PXK: variants seen among roughly 807,000 people sequenced by gnomAD.
PXK encodes PX domain containing serine/threonine kinase like.
PXK carries 35 observed loss-of-function variants against 84.7 expected under a neutral mutation model. The ratio of observed to expected loss-of-function variants is 0.41; its 90% confidence interval spans 0.32 to 0.55. The LOEUF is 0.55. Among genes scored for constraint, PXK ranks in the 20% least tolerant of loss-of-function variants. The pLI, the probability that PXK is intolerant of heterozygous loss-of-function variation, is 0.21. For synonymous variants in PXK, 253 were observed against 260.8 expected (o/e 0.97, Z 0.29); for missense variants, 634 against 699.7 (o/e 0.91, Z 1.06).
At chr3:58,395,571 C>T in intron 8 of PXK, 87 bp from the exon 9 acceptor site, 1 of 1,035,136 alleles carries the variant, frequency 9.7e-7, no homozygotes, top group South Asian at 1.4e-5. Flanking sequence ...CCCCTAGCCT[C>T]TGTAGAATCC....
chr3:58,341,329 A>C (rs1244725871), intron 1 of PXK, among the ~76,000 whole-genome samples: 2 of 152,178 alleles, frequency 1.3e-5, no homozygotes, highest in Non-Finnish European at 2.9e-5. Flanking sequence ...TGGGAGGCTG[A>C]GGCAGGCAGA....
In PXK at chr3:58,397,919, T is replaced by C. The variant is rs151093011; in HGVS notation, c.1102+197T>C. 4.2e-4 allele frequency among the ~76,000 whole-genome samples: 64 copies of C among 152,346 alleles called. No homozygotes were observed. The highest frequency in any genetic ancestry group is 8.5e-4 in the Non-Finnish European group (58 of 68,032). The stretch of plus-strand genomic sequence containing the variant: ...GTGAAAATTCAGGTGGCTTGTCCAT[T>C]TGCCAGGCTATCTGAAATTTCTGGG... On this transcript the variant is annotated intron_variant, in intron 11 of 17. Transcript: ENST00000356151. The surrounding 1 kb of genome is among the most constrained non-coding windows in gnomAD (Gnocchi z 4.7).
chr3:58,401,749 A>G lies in PXK; in HGVS notation c.1182-2113A>G, dbSNP rs899702944. The stretch of plus-strand genomic sequence containing the variant: ...AGACCATCCTAGCTAACACGGTGAA[A>G]CCCTGTCTCTACTAAAAATGCAAAA... On this transcript the variant is annotated intron_variant, in intron 12 of 17. Coordinates refer to ENST00000356151, the MANE Select transcript of PXK (RefSeq NM_017771.5). This position sits in a 1 kb window ranked among gnomAD's most constrained non-coding sequence, Gnocchi z 4.4. Among the ~76,000 whole-genome samples, 11 of 151,814 alleles carry G rather than the reference A, an allele frequency of 7.2e-5. No homozygotes were observed. Among genetic ancestry groups the G allele is most frequent in the Non-Finnish European group, 1.5e-4 (10 of 68,000 alleles).
At chr3:58,422,339 G>A (rs2062020663) in intron 17 of PXK, 7 of 985,316 alleles carry the variant, frequency 7.1e-6, no homozygotes, top group Non-Finnish European at 8.4e-6. Flanking sequence ...GTACATAAGA[G>A]CCACCATGGT....
At chr3:58,369,619 C>T (rs2098333901) in intron 3 of PXK, 141 bp downstream of exon 3, 3 of 589,682 alleles carry the variant, frequency 5.1e-6, no homozygotes, top group African/African-American at 1.9e-5. Flanking sequence ...TGAGGTCAGG[C>T]GTTCAAGACC....
Position 58,395,653 on chromosome 3 carries a change from CA to C in PXK, c.721-2del. On this transcript the variant is annotated splice_region_variant and splice_polypyrimidine_tract_variant and intron_variant, in intron 8 of 17. Transcript: ENST00000356151. ...TTCTTACGTGTTCTTTGTTCTTTTC[CA>C]AAGGCAAAACCAAAAGACCCATTTC... The C allele has an allele frequency of 1.9e-6, 3 of 1,607,956 alleles. No individual in the cohort carries two copies. The highest frequency in any genetic ancestry group is 2.6e-6 in the Non-Finnish European group (3 of 1,175,732).
Position 58,412,713 on chromosome 3 carries a change from C to T in PXK, c.1466-188C>T, listed in dbSNP as rs1441137508. ...TTAGTGGCTTGGGGAAGGAGGTGGA[C>T]CCTGCACCAGAGTAAAAGCCTGTCA... On this transcript the variant is annotated intron_variant, in intron 16 of 17. Transcript: ENST00000356151. The surrounding 1 kb of genome is among the most constrained non-coding windows in gnomAD (Gnocchi z 6.2). Among the ~76,000 whole-genome samples the T allele has an allele frequency of 1.3e-5, 2 of 152,128 alleles. No homozygotes were observed. The highest frequency in any genetic ancestry group is 4.8e-5 in the African/African-American group (2 of 41,416).
intron 1 of PXK, among the ~76,000 whole-genome samples, chr3:58,348,468 A>G (rs892919076): frequency 5.9e-5 from 9 of 152,340 alleles, no homozygotes; most frequent in South Asian, 4.1e-4. Flanking sequence ...GTGCTGTCCA[A>G]TGGAAGTATA....
chr3:58,418,206 G>T (rs563406085), intron 17 of PXK, among the ~76,000 whole-genome samples: 2 of 152,188 alleles, frequency 1.3e-5, no homozygotes, highest in Non-Finnish European at 2.9e-5. Flanking sequence ...ATAATTATAT[G>T]TAATATATTT....
intron 3 of PXK, among the ~76,000 whole-genome samples, chr3:58,371,856 A>C (rs2098377420): frequency 6.6e-6 from 1 of 152,340 alleles, no homozygotes; most frequent in Middle Eastern, 3.4e-3. Context: ...TCTGGATTCA[A>C]GTAAACAAAC....
At position 58,410,132 on chromosome 3, in the gene PXK, G is replaced by A; in HGVS notation, c.1438G>A (p.Ala480Thr). 1 of 1,600,756 alleles carries A rather than the reference G, an allele frequency of 6.2e-7. No individual in the cohort carries two copies. Among genetic ancestry groups the A allele is most frequent in the Non-Finnish European group, 8.6e-7 (1 of 1,167,772 alleles). ...TCTTGAAAATAGTGAAGAGCATTCAGCGAAGTACAGCAACTCCAATAATTC... is the reference window on the plus strand; with the variant it reads ...TCTTGAAAATAGTGAAGAGCATTCAACGAAGTACAGCAACTCCAATAATTC... ...SALENSEEHS[A>T]KYSNSNNSAG... The change falls in exon 16 of 18, where the codon GCG (alanine) becomes ACG (threonine). Residue 480 changes from alanine (A) to threonine (T), a missense_variant. Physicochemically the swap from Ala to Thr is moderately conservative, Grantham distance 58. Coordinates refer to ENST00000356151, the MANE Select transcript of PXK (RefSeq NM_017771.5).
chr3:58,365,596 A>G (rs1436328588), intron 1 of PXK, among the ~76,000 whole-genome samples: 3 of 152,150 alleles, frequency 2.0e-5, no homozygotes, highest in Admixed American at 2.0e-4. Flanking sequence ...CTTCAACTAT[A>G]ATTTTGGATT....
rs2059608141 is a variant in PXK, at chr3:58,407,723, A to G, written c.1231-1201A>G. Reference sequence around the variant, plus strand: ...AGGCGTGCACCACCACACCTGGCTAATTTTTGTATCTTTAGTAGAGACGGG... The same window carrying G: ...AGGCGTGCACCACCACACCTGGCTAGTTTTTGTATCTTTAGTAGAGACGGG... On this transcript the variant is annotated intron_variant, in intron 13 of 17. Transcript: ENST00000356151. The surrounding 1 kb of genome is among the most constrained non-coding windows in gnomAD (Gnocchi z 4.3). Among the ~76,000 whole-genome samples the G allele has an allele frequency of 6.6e-6, 1 of 151,752 alleles. No homozygotes were observed. The highest frequency in any genetic ancestry group is 6.6e-5 in the Admixed American group (1 of 15,232).
rs2058236410 is a variant in PXK at position 58,399,457 on chromosome 3, G to A, written c.1181+80G>A. 3.5e-6 allele frequency: 5 copies of A among 1,425,632 alleles called. No homozygotes were observed. Among genetic ancestry groups the A allele is most frequent in the African/African-American group, 2.8e-5 (2 of 71,106 alleles). The allele number at this position is 1,425,632 out of a possible 1,614,324, so 88.3% of individuals were successfully genotyped here. ...CCACTGTGTCCAAGCACCTGGTACT[G>A]TAGTAAAGATTCTTGCGGTCCCTGC... On this transcript the variant is annotated intron_variant, in intron 12 of 17. Coordinates refer to ENST00000356151, the MANE Select transcript of PXK (RefSeq NM_017771.5). This position sits in a 1 kb window ranked among gnomAD's most constrained non-coding sequence, Gnocchi z 4.3.
Position 58,425,954 on chromosome 3 carries a change from T to A in PXK, c.*994T>A, listed in dbSNP as rs2062756004. The A allele has an allele frequency of 6.6e-6, 1 of 152,336 alleles. No homozygotes were observed. 9.4% of individuals were successfully genotyped at this position (152,336 alleles called of 1,614,324 possible). ...TCAGTGTTGGTTACTATGCAGAGAA[T>A]GTCATTGTGTATAGTTTCATGTAAT... is the stretch of plus-strand genomic sequence containing the variant. On this transcript the variant is annotated 3_prime_UTR_variant, in exon 18 of 18. Coordinates refer to ENST00000356151, the MANE Select transcript of PXK (RefSeq NM_017771.5).
intron 17 of PXK, chr3:58,422,552 G>A (rs1389960801): frequency 6.1e-6 from 6 of 985,050 alleles, no homozygotes; most frequent in Non-Finnish European, 7.2e-6. Context: ...AGTGACAGTG[G>A]AAAATCCATG....
chr3:58,403,963 A>G, intron 13 of PXK, 53 bp downstream of exon 13: 2 of 1,267,080 alleles, frequency 1.6e-6, no homozygotes. Flanking sequence ...GTTGACTTTG[A>G]AAGTTAGCTG....
Position 58,421,656 on chromosome 3 carries a change from T to C in PXK, c.1529-3096T>C. The C allele has an allele frequency of 3.0e-6, 3 of 988,158 alleles. No individual in the cohort carries two copies. Among genetic ancestry groups the C allele is most frequent in the Non-Finnish European group, 3.6e-6 (3 of 830,220 alleles). 61.2% of individuals were successfully genotyped at this position (988,158 alleles called of 1,614,324 possible). ...TGTCAAGGGGGTTTCTGGCCTGGCATTCCTCCCTAGATCTGACCTACGCTC... is the reference window on the plus strand; with the variant it reads ...TGTCAAGGGGGTTTCTGGCCTGGCACTCCTCCCTAGATCTGACCTACGCTC... On this transcript the variant is annotated intron_variant, in intron 17 of 17. Coordinates refer to ENST00000356151, the MANE Select transcript of PXK (RefSeq NM_017771.5). The surrounding 1 kb of genome is among the most constrained non-coding windows in gnomAD (Gnocchi z 5.5).
intron 1 of PXK, among the ~76,000 whole-genome samples, chr3:58,355,719 T>A (rs2098062415): frequency 6.6e-6 from 1 of 152,170 alleles, no homozygotes; most frequent in South Asian, 2.1e-4. Flanking sequence ...GGTGTGGGAA[T>A]AACAGCCCCC....
Sources: gnomAD v4.1 joint callset for allele counts (sites outside exome capture counted in the v4.1 genomes callset) on GRCh38, gnomAD v4.1.1 for gene constraint, Gnocchi (gnomAD v3.1) non-coding constraint, MANE v1.5 for transcripts, NCBI Gene and HGNC (gene_info 2026-07-23, HGNC 2026-07-21) for gene names.